The following RASGRF2 variants were observed in gnomAD, a reference collection of about 807,000 sequenced individuals.
The protein encoded by RASGRF2 is ras-specific guanine nucleotide-releasing factor 2.
In RASGRF2, 76 loss-of-function variants were observed where a neutral mutation model predicts 151.0. The ratio of observed to expected loss-of-function variants is 0.50; its 90% CI spans 0.42 to 0.61. The LOEUF (loss-of-function observed/expected upper bound fraction) is 0.61, where lower values mean the gene tolerates loss of function less well. Ranked by LOEUF, RASGRF2 falls within the 20% of genes least tolerant of loss-of-function variation. The pLI is 0.00. For synonymous variants in RASGRF2, 504 were observed against 566.5 expected (o/e 0.89, Z 1.57); for missense variants, 1,148 against 1,564.6 (o/e 0.73, Z 4.49).
At chr5:80,961,209 C>CTT (rs1747543412) in intron 1 of RASGRF2, among the ~76,000 whole-genome samples, 183 bp downstream of exon 1, 1 of 152,226 alleles carries the variant, frequency 6.6e-6, no homozygotes, top group Non-Finnish European at 1.5e-5. Context: ...GGGATTCTCC[C>CTT]ATCTCCATAC....
intron 5 of RASGRF2, among the ~76,000 whole-genome samples, chr5:81,075,961 G>A (rs182300331): frequency 6.6e-6 from 1 of 152,328 alleles, no homozygotes; most frequent in Admixed American, 6.5e-5. Flanking sequence ...ACAGGAGCCA[G>A]CAAAGAAGAG....
rs569286730 is a variant in RASGRF2 at position 80,974,986 on chromosome 5, T to C, written c.288+13960T>C. Among the ~76,000 whole-genome samples the C allele has an allele frequency of 7.2e-5, 11 of 152,322 alleles. 1 individual carries two copies. The highest frequency in any genetic ancestry group is 6.2e-4 in the South Asian group (3 of 4,824). Reference sequence around the variant, plus strand: ...AGGTTTCAGGTTTTCTGAGAGCTTGTCTACTTCCAGTTTGCCCTAATTTCT... The same window carrying C: ...AGGTTTCAGGTTTTCTGAGAGCTTGCCTACTTCCAGTTTGCCCTAATTTCT... On this transcript the variant is annotated intron_variant, in intron 1 of 26. Transcript: ENST00000265080.
intron 17 of RASGRF2, among the ~76,000 whole-genome samples, chr5:81,166,552 T>A (rs190804579): frequency 1.1e-3 from 168 of 152,194 alleles, no homozygotes; most frequent in African/African-American, 3.8e-3. Context: ...ATACCTAAGA[T>A]AAGCAAGAAA....
chr5:81,105,042 C>G (rs776315621), intron 12 of RASGRF2, among the ~76,000 whole-genome samples: 17 of 152,142 alleles, frequency 1.1e-4, no homozygotes, highest in Non-Finnish European at 2.1e-4. Context: ...TTGGTTCCCT[C>G]TTTCAAAAAG....
At position 81,196,119 on chromosome 5, in the gene RASGRF2, C is replaced by T. The variant is rs555149821; in HGVS notation, c.2794-5211C>T. Among the ~76,000 whole-genome samples, 49 of 152,228 alleles carry T rather than the reference C, an allele frequency of 3.2e-4. No individual in the cohort carries two copies. The Middle Eastern group carries it at 0.014, about 42-fold the overall frequency. ...ACAAAAAATACAAAAATTAGCTGGG[C>T]GTGGTGGTGTGCACCTGTAGTCACA... On this transcript the variant is annotated intron_variant, in intron 18 of 26. Coordinates refer to ENST00000265080, the MANE Select transcript of RASGRF2 (RefSeq NM_006909.3).
At chr5:81,194,412 T>C (rs1036977141) in intron 18 of RASGRF2, among the ~76,000 whole-genome samples, 4 of 151,810 alleles carry the variant, frequency 2.6e-5, no homozygotes, top group Non-Finnish European at 5.9e-5. Flanking sequence ...ACAATTACTT[T>C]AGGATTTTGT....
intron 12 of RASGRF2, among the ~76,000 whole-genome samples, 140 bp from the exon 13 acceptor site, chr5:81,108,834 CTGTGTGTGTGTGTGTGTGTGTG>C (rs10606038): frequency 1.3e-4 from 18 of 139,912 alleles, no homozygotes; most frequent in African/African-American, 3.7e-4. Context: ...TTTACCTACT[CTGTGTGTGTGTGTGTGTGTGTG>C]TGTGTGTGTG....
At chr5:80,994,365 CAA>C (rs11411890) in intron 1 of RASGRF2, among the ~76,000 whole-genome samples, 13,034 of 115,122 alleles carry the variant, frequency 0.11, 763 homozygotes, top group East Asian at 0.3. Flanking sequence ...CACTCTGTCT[CAA>C]AAAAAAAAAA....
At chr5:81,103,799 A>C (rs1752768583) in intron 12 of RASGRF2, among the ~76,000 whole-genome samples, 1 of 152,158 alleles carries the variant, frequency 6.6e-6, no homozygotes, top group Non-Finnish European at 1.5e-5. Context: ...TTGTTATAGC[A>C]GAAAATGAAA....
rs963126451 is a variant in RASGRF2, at chr5:81,226,271, A to C, written c.*501A>C. The C allele has an allele frequency of 6.6e-6, 1 of 150,802 alleles. No homozygotes were observed. The highest frequency in any genetic ancestry group is 1.5e-5 in the Non-Finnish European group (1 of 68,278). 9.3% of individuals were successfully genotyped at this position (150,802 alleles called of 1,614,324 possible). ...CCTCTACAGAGATGGACCAAAACATAAGCAATTTCAGTCTACAGCATGTGC... is the reference window on the plus strand; with the variant it reads ...CCTCTACAGAGATGGACCAAAACATCAGCAATTTCAGTCTACAGCATGTGC... On this transcript the variant is annotated 3_prime_UTR_variant, in exon 27 of 27. Coordinates refer to ENST00000265080, the MANE Select transcript of RASGRF2 (RefSeq NM_006909.3).
At position 81,112,824 on chromosome 5, in the gene RASGRF2, A is replaced by T; in HGVS notation, c.2053A>T (p.Ile685Leu). Residue 685 changes from isoleucine (I) to leucine (L), a missense_variant, in exon 14 of 27, where the codon ATA (isoleucine) becomes TTA (leucine). Physicochemically the swap from Ile to Leu is conservative, Grantham distance 5 (BLOSUM62 2). Coordinates refer to ENST00000265080, the MANE Select transcript of RASGRF2 (RefSeq NM_006909.3). ...AAVVLGKLSDIYKRPFTSIPV... is the reference protein window; with the variant it reads ...AAVVLGKLSDLYKRPFTSIPV... ...TGTGGTGCTGGGGAAACTCTCCGAC[A>T]TATACAAGAGGCCTTTCACCTCCAT... The T allele has an allele frequency of 6.2e-7, 1 of 1,614,184 alleles. No individual in the cohort carries two copies. Among genetic ancestry groups the T allele is most frequent in the Non-Finnish European group, 8.5e-7 (1 of 1,180,016 alleles).
At position 81,185,563 on chromosome 5, in the gene RASGRF2, G is replaced by A. The variant is rs544213266; in HGVS notation, c.2793+5282G>A. 2.6e-5 allele frequency among the ~76,000 whole-genome samples: 4 copies of A among 152,232 alleles called. No homozygotes were observed. In the South Asian group the frequency reaches 6.2e-4, roughly 24 times the overall value. On this transcript the variant is annotated intron_variant, in intron 18 of 26. Transcript: ENST00000265080. ...GCTGGCCATAAGTCTCCCACAGAGA[G>A]GTCTCCAAAATCTCACCAAAGTGCC... is the stretch of plus-strand genomic sequence containing the variant.
chr5:80,997,520 A>G (rs1215492016), intron 1 of RASGRF2: 3 of 153,290 alleles, frequency 2.0e-5, no homozygotes, highest in African/African-American at 7.2e-5. Context: ...TGGTGTATTT[A>G]TCCAGGCAAG....
rs980433904 is a variant in RASGRF2, at chr5:81,058,268, C to A, written c.396-9764C>A. ...AATACAAAATAAAAAAATAGCTAAC[C>A]AAATGAAAATAATAAGGAGATTAGG... On this transcript the variant is annotated intron_variant, in intron 2 of 26. Transcript: ENST00000265080. Among the ~76,000 whole-genome samples, 3 of 151,808 alleles carry A rather than the reference C, an allele frequency of 2.0e-5. 1 individual carries two copies. The South Asian group carries it at 6.2e-4, about 32-fold the overall frequency.
intron 1 of RASGRF2, among the ~76,000 whole-genome samples, chr5:81,005,333 G>A (rs1749231395): frequency 6.6e-6 from 1 of 152,112 alleles, no homozygotes; most frequent in South Asian, 2.1e-4. Flanking sequence ...AGAAATGCGA[G>A]CGAAGGTGGG....
At chr5:81,070,627 CG>C in intron 4 of RASGRF2, 46 bp downstream of exon 4, 1 of 1,502,992 alleles carries the variant, frequency 6.7e-7, no homozygotes, top group Non-Finnish European at 9.3e-7. Context: ...GGTGACCAGT[CG>C]TCTGTTCTAT....
intron 1 of RASGRF2, among the ~76,000 whole-genome samples, chr5:80,984,338 C>T (rs1748409995): frequency 6.6e-6 from 1 of 152,212 alleles, no homozygotes; most frequent in South Asian, 2.1e-4. Flanking sequence ...TAGGCATGAG[C>T]CACTGCACCT....
intron 1 of RASGRF2, among the ~76,000 whole-genome samples, chr5:81,034,354 C>T (rs1056588267): frequency 1.1e-4 from 17 of 152,076 alleles, no homozygotes; most frequent in African/African-American, 3.4e-4. Context: ...GTTGGTGGGA[C>T]GGTAAACTAG....
rs1372893756 is a variant in RASGRF2, at chr5:81,214,016, A to G, written c.3354+1453A>G. 4.6e-5 allele frequency among the ~76,000 whole-genome samples: 7 copies of G among 152,216 alleles called. No individual in the cohort carries two copies. The East Asian group carries it at 5.8e-4, about 13-fold the overall frequency. On this transcript the variant is annotated intron_variant, in intron 23 of 26. Transcript: ENST00000265080. ...ACAGTATCACAACTAGGAAATGAAC[A>G]TTGGTGCAATCCACCAGTCTTATCC...
Sources: gnomAD v4.1 joint callset for allele counts (sites outside exome capture counted in the v4.1 genomes callset) on GRCh38, gnomAD v4.1.1 for gene constraint, MANE v1.5 for transcripts, NCBI Gene and HGNC (gene_info 2026-07-23, HGNC 2026-07-21) for gene names.